LNX1: variants seen among roughly 807,000 people sequenced by gnomAD.
LNX1 encodes the protein E3 ubiquitin-protein ligase LNX.
LNX1 carries 54 observed loss-of-function variants against 68.4 expected under a neutral mutation model. The ratio of observed to expected loss-of-function variants is 0.79; its 90% CI spans 0.63 to 0.99. LNX1 has a LOEUF of 0.99. Ranked by LOEUF, LNX1 falls within the 50% of genes least tolerant of loss-of-function variation. LNX1 has a pLI of 0.00. For missense variants in LNX1, 906 were observed against 926.4 expected, an observed-to-expected ratio of 0.98 and a Z score of 0.29; for synonymous variants, 336 against 350.0, an observed-to-expected ratio of 0.96 and a Z score of 0.45.
chr4:53,528,282 G>A (rs1727767346), intron 2 of LNX1, among the ~76,000 whole-genome samples: 1 of 152,214 alleles, frequency 6.6e-6, no homozygotes, highest in South Asian at 2.1e-4. Flanking sequence ...TCAGTTACCT[G>A]TGGTCAACTG....
chr4:53,540,631 G>A (rs540150009), intron 2 of LNX1, among the ~76,000 whole-genome samples: 142 of 148,656 alleles, frequency 9.6e-4, no homozygotes, highest in Non-Finnish European at 1.5e-3. Context: ...GCAGCGAGCC[G>A]AGATTGCGCC....
Position 53,505,404 on chromosome 4 carries a change from C to A in LNX1, c.775+1913G>T, listed in dbSNP as rs533960318. Among the ~76,000 whole-genome samples the A allele has an allele frequency of 3.2e-4, 48 of 152,210 alleles. No individual in the cohort carries two copies. In the South Asian group the frequency reaches 5.4e-3, roughly 17 times the overall value. On this transcript the variant is annotated intron_variant, in intron 4 of 10. Transcript: ENST00000263925. ...TAGCTGGGATTACAGGTGCCCGCCA[C>A]CATGCCCTGGCTAATTTTTGTATTT...
chr4:53,507,525 A>G, intron 3 of LNX1, 56 bp from the exon 4 acceptor site: 1 of 1,550,726 alleles, frequency 6.4e-7, no homozygotes, highest in Non-Finnish European at 8.9e-7. Context: ...ATAATCATTT[A>G]TGTACATATC....
chr4:53,577,303 T>C (rs1163629449), intron 1 of LNX1, among the ~76,000 whole-genome samples: 2 of 152,224 alleles, frequency 1.3e-5, no homozygotes, highest in Non-Finnish European at 2.9e-5. Context: ...TTCTCTGTAG[T>C]GTTCTGCCAT....
chr4:53,593,653 T>TA (rs951448244), upstream of LNX1, among the ~76,000 whole-genome samples: 8 of 151,594 alleles, frequency 5.3e-5, no homozygotes, highest in Non-Finnish European at 8.8e-5. Context: ...ATGCAGGGGT[T>TA]AAAAAAAATA....
At chr4:53,621,113 G>A (rs1319417984), upstream of LNX1, among the ~76,000 whole-genome samples, 1 of 152,162 alleles carries the variant, frequency 6.6e-6, no homozygotes, top group African/African-American at 2.4e-5. Flanking sequence ...TCACCTGGGA[G>A]CTTGTTAGTG....
chr4:53,477,195 C>G (rs1331872954), intron 8 of LNX1, among the ~76,000 whole-genome samples: 1 of 145,298 alleles, frequency 6.9e-6, no homozygotes, highest in Non-Finnish European at 1.5e-5. Flanking sequence ...TTTTCTAAAG[C>G]ACAGCTATCG....
chr4:53,616,853 A>G (rs1733699096), intron 1 of LNX1, among the ~76,000 whole-genome samples: 1 of 152,172 alleles, frequency 6.6e-6, no homozygotes, highest in South Asian at 2.1e-4. Flanking sequence ...ATCTTTTAGC[A>G]AACACCCTGG....
At chr4:53,520,093 G>A (rs535126456) in intron 2 of LNX1, among the ~76,000 whole-genome samples, 1 of 152,284 alleles carries the variant, frequency 6.6e-6, no homozygotes, top group South Asian at 2.1e-4. Context: ...AGTTTTGGAG[G>A]AGCTTTGTGG....
At chr4:53,596,729 C>T (rs1732770989) in intron 2 of LNX1, among the ~76,000 whole-genome samples, 1 of 152,132 alleles carries the variant, frequency 6.6e-6, no homozygotes, top group Non-Finnish European at 1.5e-5. Context: ...ACTTTGACTT[C>T]ATCCTGAAGG....
intron 2 of LNX1, among the ~76,000 whole-genome samples, chr4:53,606,667 A>T (rs2109842523): frequency 6.6e-6 from 1 of 152,310 alleles, no homozygotes; most frequent in Non-Finnish European, 1.5e-5. Context: ...AGAAAACTTC[A>T]GGCCAATATC....
chr4:53,476,839 G>A lies in LNX1; in HGVS notation c.1806C>T (p.Ser602=), dbSNP rs564327612. Reference sequence around the variant, plus strand: ...GGTTGGAGTCCAGGGCTGCTGGGCTGCTGCAGTCTTCCTGGGGCTCATACT... The same window carrying A: ...GGTTGGAGTCCAGGGCTGCTGGGCTACTGCAGTCTTCCTGGGGCTCATACT... ...VKEYEPQEDC[S]SPAALDSNHN... The change falls in exon 9 of 11, where the codon AGC becomes AGT. Residue 602 remains serine (S), a synonymous_variant. Coordinates refer to ENST00000263925, the MANE Select transcript of LNX1 (RefSeq NM_001126328.3). 2.4e-5 allele frequency: 38 copies of A among 1,614,226 alleles called. No individual in the cohort carries two copies. Among genetic ancestry groups the A allele is most frequent in the Middle Eastern group, 1.6e-4 (1 of 6,062 alleles).
intron 2 of LNX1, among the ~76,000 whole-genome samples, chr4:53,563,132 G>A (rs1472828065): frequency 2.0e-5 from 3 of 152,254 alleles, no homozygotes; most frequent in East Asian, 3.9e-4. Flanking sequence ...CATGAATCCC[G>A]GAGGCAGAGC....
At chr4:53,631,707 TA>T (rs75016695) in intron 1 of LNX1, among the ~76,000 whole-genome samples, 27,058 of 152,068 alleles carry the variant, frequency 0.18, 2,858 homozygotes, top group Admixed American at 0.28. Flanking sequence ...TATATTTTTT[TA>T]ATGCCCTAGG....
chr4:53,480,396 G>A lies in LNX1; in HGVS notation c.1485+1324C>T, dbSNP rs886833746. On this transcript the variant is annotated intron_variant, in intron 7 of 10. Coordinates refer to ENST00000263925, the MANE Select transcript of LNX1 (RefSeq NM_001126328.3). ...ATTCTAAAACCACAGTGCAGATGGA[G>A]GCTACCTTCTCCATAATTTGATGAC... 1.4e-4 allele frequency among the ~76,000 whole-genome samples: 22 copies of A among 152,082 alleles called. 1 individual carries two copies. Among genetic ancestry groups the A allele is most frequent in the Non-Finnish European group, 2.8e-4 (19 of 68,014 alleles).
chr4:53,581,042 G>A (rs577704852), intron 1 of LNX1, among the ~76,000 whole-genome samples: 2 of 152,110 alleles, frequency 1.3e-5, no homozygotes, highest in Non-Finnish European at 2.9e-5. Context: ...TGATGGAGAG[G>A]CAATGGGAGG....
chr4:53,515,453 T>C (rs1726692429), intron 2 of LNX1, among the ~76,000 whole-genome samples: 1 of 152,168 alleles, frequency 6.6e-6, no homozygotes, highest in Admixed American at 6.5e-5. Flanking sequence ...AGTCTCTCCT[T>C]TCTCCTAGCA....
chr4:53,531,870 C>T (rs1461283213), intron 2 of LNX1, among the ~76,000 whole-genome samples: 1 of 152,158 alleles, frequency 6.6e-6, no homozygotes, highest in South Asian at 2.1e-4. Context: ...ATCACAACAA[C>T]ATCCTGGCAA....
chr4:53,612,107 G>A (rs763409358), intron 2 of LNX1, among the ~76,000 whole-genome samples: 60 of 152,180 alleles, frequency 3.9e-4, no homozygotes, highest in Non-Finnish European at 7.6e-4. Context: ...AAGCACATAC[G>A]AAGGGTTGAG....
Sources: gnomAD v4.1 joint callset for allele counts (sites outside exome capture counted in the v4.1 genomes callset) on GRCh38, gnomAD v4.1.1 for gene constraint, MANE v1.5 for transcripts, NCBI Gene and HGNC (gene_info 2026-07-23, HGNC 2026-07-21) for gene names.